CLPTM1: variants seen among roughly 807,000 people sequenced by gnomAD.
The protein encoded by CLPTM1 is CLPTM1 regulator of GABA type A receptor forward trafficking, also known as putative lipid scramblase CLPTM1.
In CLPTM1, 21 loss-of-function variants were observed where a neutral mutation model predicts 77.3. The observed-to-expected ratio is 0.27, with a 90% CI of 0.19 to 0.39. The LOEUF is 0.39. Among genes scored for constraint, CLPTM1 ranks in the 10% least tolerant of loss-of-function variants. The probability of loss-of-function intolerance (pLI) is 1.00; values close to 1 mark genes in which losing one functional copy is unlikely to be tolerated. For synonymous variants in CLPTM1, 373 were observed against 381.0 expected (o/e 0.98, Z 0.24); for missense variants, 642 against 921.2 (o/e 0.70, Z 3.92).
At chr19:44,977,298 A>T in intron 4 of CLPTM1, 45 bp from the exon 5 acceptor site, 1 of 1,427,388 alleles carries the variant, frequency 7.0e-7, no homozygotes, top group Non-Finnish European at 9.8e-7. Context: ...CGTTTCCCTC[A>T]CCCCAGTTGC....
rs767551414 is a variant in CLPTM1, at chr19:44,992,651, C to T, written c.1764C>T (p.Tyr588=). ...TCTACCTCTACCAACGGTGGATCTACCGCGTCGACCCCACCCGAGTCAACG... is the reference window on the plus strand; with the variant it reads ...TCTACCTCTACCAACGGTGGATCTATCGCGTCGACCCCACCCGAGTCAACG... ...FFIYLYQRWI[Y]RVDPTRVNEF... is the part of the protein sequence containing the mutation. The change falls in exon 14 of 14, where the codon TAC becomes TAT. Residue 588 remains tyrosine (Y), a synonymous_variant. Transcript: ENST00000337392. This position sits in a 1 kb window ranked among gnomAD's most constrained non-coding sequence, Gnocchi z 7.7. 4.3e-6 allele frequency: 7 copies of T among 1,613,952 alleles called. No homozygotes were observed. Among genetic ancestry groups the T allele is most frequent in the Non-Finnish European group, 5.9e-6 (7 of 1,179,954 alleles).
chr19:44,972,393 G>A (rs890093928), intron 2 of CLPTM1, among the ~76,000 whole-genome samples: 5 of 151,454 alleles, frequency 3.3e-5, no homozygotes, highest in Admixed American at 6.6e-5. Context: ...GACTACAGGC[G>A]CCCGCCACCA....
chr19:44,979,833 A>AG (rs1000665851), intron 5 of CLPTM1, among the ~76,000 whole-genome samples: 4 of 152,168 alleles, frequency 2.6e-5, no homozygotes, highest in Non-Finnish European at 5.9e-5. Context: ...GTTTCCCTGC[A>AG]GGGGGATACG....
At chr19:44,974,717 C>T in intron 4 of CLPTM1, 120 bp downstream of exon 4, 1 of 1,144,638 alleles carries the variant, frequency 8.7e-7, no homozygotes. Context: ...TGGCCCTTCC[C>T]TGGGCTCACA....
At chr19:44,977,972 G>A (rs993980059) in intron 5 of CLPTM1, among the ~76,000 whole-genome samples, 3 of 152,098 alleles carry the variant, frequency 2.0e-5, no homozygotes, top group African/African-American at 7.2e-5. Context: ...ACAAAAACTA[G>A]CTGGGCGTGT....
chr19:44,954,838 A>G, upstream of CLPTM1: 4 of 1,194,628 alleles, frequency 3.3e-6, no homozygotes, highest in East Asian at 2.6e-5. Flanking sequence ...CAGAAAGGAT[A>G]TGAGCTCAGG....
intron 2 of CLPTM1, among the ~76,000 whole-genome samples, chr19:44,969,172 C>T (rs1019218648): frequency 5.3e-5 from 8 of 152,138 alleles, no homozygotes; most frequent in Non-Finnish European, 1.2e-4. Context: ...GGTACGTGTG[C>T]GTGTGTCAGA....
intron 3 of CLPTM1, 33 bp from the exon 4 acceptor site, chr19:44,974,406 G>C: frequency 6.3e-7 from 1 of 1,593,850 alleles, no homozygotes; most frequent in South Asian, 1.1e-5. Context: ...CTGAAGAGCA[G>C]GCCTGAGCTC....
At chr19:44,955,376 C>CGGGGGGGGGGGGG, upstream of CLPTM1, 4 of 631,152 alleles carry the variant, frequency 6.3e-6, no homozygotes, top group African/African-American at 2.3e-5. Context: ...GCGGCGGGGG[C>CGGGGGGGGGGGGG]GGGGACCCGG....
chr19:44,962,205 T>C (rs1465919042), intron 2 of CLPTM1, 130 bp downstream of exon 2: 2 of 451,146 alleles, frequency 4.4e-6, no homozygotes, highest in Non-Finnish European at 7.8e-6. Flanking sequence ...TTTCTTTTTT[T>C]TTTTGTATGA....
At position 44,991,322 on chromosome 19, in the gene CLPTM1, G is replaced by A. The variant is rs1168197422; in HGVS notation, c.1504G>A (p.Gly502Ser). 2 of 1,614,012 alleles carry A rather than the reference G, an allele frequency of 1.2e-6. No homozygotes were observed. The highest frequency in any genetic ancestry group is 3.3e-5 in the Admixed American group (2 of 60,022). ...VYSLLYLEHK[G>S]WYSWVLSMLY... is the part of the protein sequence containing the mutation. Reference sequence around the variant, plus strand: ...CAGTCTTCTGTACCTGGAGCACAAGGGCTGGTACTCCTGGGTGCTCAGCAT... The same window carrying A: ...CAGTCTTCTGTACCTGGAGCACAAGAGCTGGTACTCCTGGGTGCTCAGCAT... The change falls in exon 12 of 14, where the codon GGC becomes AGC. Residue 502 changes from glycine to serine, a missense_variant. Transcript: ENST00000337392. The surrounding 1 kb of genome is among the most constrained non-coding windows in gnomAD (Gnocchi z 5.4).
intron 1 of CLPTM1, among the ~76,000 whole-genome samples, chr19:44,960,661 A>C (rs1970530541): frequency 6.6e-6 from 1 of 152,196 alleles, no homozygotes; most frequent in African/African-American, 2.4e-5. Context: ...CTGGTGGGTA[A>C]GGTGAATGGA....
intron 2 of CLPTM1, among the ~76,000 whole-genome samples, chr19:44,966,860 GAGAC>G (rs760068063): frequency 2.0e-5 from 3 of 151,206 alleles, no homozygotes; most frequent in Non-Finnish European, 4.4e-5. Flanking sequence ...TTTTTTTTGG[GAGAC>G]AGAATCTCGC....
rs956218363 is a variant in CLPTM1, at chr19:44,990,255, G to C, written c.1133-140G>C. The C allele has an allele frequency of 6.5e-6, 5 of 773,378 alleles. No homozygotes were observed. The East Asian group carries it at 7.4e-5, about 11-fold the overall frequency. The allele number at this position is 773,378 out of a possible 1,614,324, so 47.9% of individuals were successfully genotyped here. ...AATATGAGAGCCTTCCTGGGAGAGA[G>C]GGGTCTCGTTCAGCACCCCTCCTGA... On this transcript the variant is annotated intron_variant, in intron 9 of 13. Transcript: ENST00000337392. This position sits in a 1 kb window ranked among gnomAD's most constrained non-coding sequence, Gnocchi z 4.8.
At chr19:44,982,754 A>G (rs538383486) in intron 5 of CLPTM1, among the ~76,000 whole-genome samples, 6 of 152,320 alleles carry the variant, frequency 3.9e-5, no homozygotes, top group African/African-American at 7.2e-5. Flanking sequence ...AAGATCCCCA[A>G]TGATTTAATA....
intron 1 of CLPTM1, 38 bp from the exon 2 acceptor site, chr19:44,961,925 C>G (rs369876358): frequency 3.8e-5 from 54 of 1,423,164 alleles, no homozygotes; most frequent in Non-Finnish European, 5.0e-5. Context: ...GCCCCCGTGT[C>G]CATTCTCCCT....
rs1235901387 is a variant in CLPTM1 at position 44,991,090 on chromosome 19, TTC to T, written c.1419+146_1420-146del. On this transcript the variant is annotated intron_variant, in intron 11 of 13. Transcript: ENST00000337392. This position sits in a 1 kb window ranked among gnomAD's most constrained non-coding sequence, Gnocchi z 5.4. ...TGTGTCCCCCATCTGCCATAACTGC[TTC>T]CCTGGGCGAGTCCGGAGTCCCCAGG... 1 of 1,239,484 alleles carries T rather than the reference TTC, an allele frequency of 8.1e-7. No homozygotes were observed. Among genetic ancestry groups the T allele is most frequent in the Admixed American group, 2.6e-5 (1 of 38,202 alleles). 76.8% of individuals were successfully genotyped at this position (1,239,484 alleles called of 1,614,324 possible). A position where few individuals can be genotyped will look rare whatever the true frequency, so the allele number is the denominator to read the frequency against.
intron 7 of CLPTM1, 186 bp downstream of exon 7, chr19:44,986,761 C>T (rs1490906026): frequency 1.8e-5 from 13 of 707,300 alleles, no homozygotes; most frequent in African/African-American, 3.6e-5. Context: ...CCCCTGGGGA[C>T]CCCAGGACTG....
At chr19:44,988,216 G>A (rs372678695) in intron 9 of CLPTM1, 43 bp downstream of exon 9, 23 of 1,433,780 alleles carry the variant, frequency 1.6e-5, no homozygotes, top group African/African-American at 8.4e-5. Flanking sequence ...TGTGCAGGGT[G>A]GGGGACAGGA....
Sources: allele counts gnomAD v4.1 joint callset (sites outside exome capture counted in the v4.1 genomes callset), GRCh38; gene constraint gnomAD v4.1.1; non-coding constraint Gnocchi (gnomAD v3.1); transcripts MANE v1.5; gene names NCBI Gene and HGNC (gene_info 2026-07-23, HGNC 2026-07-21).